The following VWF variants were observed in gnomAD, a reference collection of about 807,000 sequenced individuals.
The protein encoded by VWF is von Willebrand factor.
VWF carries 176 observed loss-of-function variants against 308.6 expected under a neutral mutation model. The ratio of observed to expected loss-of-function variants is 0.57; its 90% CI spans 0.50 to 0.65. The LOEUF is 0.65. Among genes scored for constraint, VWF ranks in the 30% least tolerant of loss-of-function variants. The probability of loss-of-function intolerance (pLI) is 0.00; values close to 1 mark genes in which losing one functional copy is unlikely to be tolerated. For missense variants in VWF, 3,146 were observed against 3,648.2 expected (o/e 0.86, Z 3.55); for synonymous variants, 1,385 against 1,443.4 (o/e 0.96, Z 0.92).
In VWF at chr12:5,967,412, C is replaced by T. The variant is rs185085412; in HGVS notation, c.7887+74G>A. On this transcript the variant is annotated intron_variant, in intron 47 of 51. Transcript: ENST00000261405. The stretch of plus-strand genomic sequence containing the variant: ...ATGAGAGATTTATTTATTTAAAGAC[C>T]GCAGTGAGGTCCCACTGCCTGGGTC... 4.0e-5 allele frequency: 45 copies of T among 1,111,790 alleles called. No homozygotes were observed. The African/African-American group carries it at 5.5e-4, about 14-fold the overall frequency. 68.9% of individuals were successfully genotyped at this position (1,111,790 alleles called of 1,614,324 possible). A position where few individuals can be genotyped will look rare whatever the true frequency, so the allele number is the denominator to read the frequency against.
Position 6,065,221 on chromosome 12 carries a change from G to A in VWF, c.1209C>T (p.Tyr403=), listed in dbSNP as rs1295605969. The change falls in exon 11 of 52, where the codon TAC becomes TAT. Residue 403 remains tyrosine (Y), a synonymous_variant. Coordinates refer to ENST00000261405, the MANE Select transcript of VWF (RefSeq NM_000552.5). ...QSHFKSFDNR[Y]FTFSGICQYL... ...ACTGGCAGATCCCACTGAAGGTGAA[G>A]TATCTGTTGTCAAAGCTCTTGAAGT... The A allele has an allele frequency of 1.9e-6, 3 of 1,614,184 alleles. No individual in the cohort carries two copies. Among genetic ancestry groups the A allele is most frequent in the South Asian group, 1.1e-5 (1 of 91,070 alleles).
At position 6,018,995 on chromosome 12, in the gene VWF, G is replaced by C. The variant is rs61750094; in HGVS notation, c.4423C>G (p.Gln1475Glu). The part of the protein sequence containing the change: ...PPPTLPPDMA[Q>E]VTVGPGLLGV... Reference sequence around the variant, plus strand: ...AAGAGCCCCGGGCCCACAGTGACTTGTGCCATGTCGGGGGGCAGAGTAGGA... The same window carrying C: ...AAGAGCCCCGGGCCCACAGTGACTTCTGCCATGTCGGGGGGCAGAGTAGGA... Residue 1475 changes from glutamine (Q) to glutamate (E), a missense_variant, in exon 28 of 52, where the codon CAA (glutamine) becomes GAA (glutamate). By Grantham distance (29) the Gln-to-Glu change is conservative (BLOSUM62 2). This residue lies in a region of VWF where 853 missense variants were observed against 1,177.8 expected (regional missense o/e 0.72). Transcript: ENST00000261405. 5 of 1,613,932 alleles carry C rather than the reference G, an allele frequency of 3.1e-6. No homozygotes were observed. In the South Asian group the frequency reaches 5.5e-5, roughly 18 times the overall value.
At chr12:6,087,587 G>T (rs1437717466) in intron 6 of VWF, among the ~76,000 whole-genome samples, 2 of 149,768 alleles carry the variant, frequency 1.3e-5, no homozygotes, top group African/African-American at 4.9e-5. Flanking sequence ...GGATGGTCTC[G>T]ACCTCCTGAC....
At chr12:5,958,985 G>A (rs1943281420) in intron 47 of VWF, among the ~76,000 whole-genome samples, 1 of 151,540 alleles carries the variant, frequency 6.6e-6, no homozygotes, top group Non-Finnish European at 1.5e-5. Context: ...GGAGGCTGAG[G>A]TGGGAGGATC....
At chr12:6,033,785 C>T (rs1191814784) in intron 20 of VWF, among the ~76,000 whole-genome samples, 11 of 152,228 alleles carry the variant, frequency 7.2e-5, no homozygotes, top group Admixed American at 3.9e-4. Flanking sequence ...CGCTGCCTGA[C>T]TCACCAGCTC....
chr12:6,103,926 T>G (rs542581012), intron 5 of VWF, among the ~76,000 whole-genome samples: 13 of 152,240 alleles, frequency 8.5e-5, no homozygotes, highest in Non-Finnish European at 1.8e-4. Context: ...TGAGACTTCA[T>G]TAAACTAAAA....
At chr12:5,972,344 T>C (rs1187616917) in intron 43 of VWF, among the ~76,000 whole-genome samples, 1 of 152,218 alleles carries the variant, frequency 6.6e-6, no homozygotes, top group Admixed American at 6.5e-5. Context: ...GGTCCTCCAA[T>C]CTGGCTAAAG....
chr12:5,966,756 T>C (rs1943409512), intron 47 of VWF, among the ~76,000 whole-genome samples: 1 of 152,208 alleles, frequency 6.6e-6, no homozygotes, highest in Non-Finnish European at 1.5e-5. Context: ...GAGACTCCTC[T>C]GACCAATGGC....
intron 42 of VWF, among the ~76,000 whole-genome samples, chr12:5,977,615 A>T (rs1943545644): frequency 6.6e-6 from 1 of 152,180 alleles, no homozygotes; most frequent in African/African-American, 2.4e-5. Context: ...GATGTCTGTA[A>T]TCTCAGCACT....
At position 6,093,551 on chromosome 12, in the gene VWF, C is replaced by T. The variant is rs930188987; in HGVS notation, c.657+1909G>A. Reference sequence around the variant, plus strand: ...GTAAACCTCCTGCATACAAACGTCCCGCCCAGGGAGGCTGACTCACAGCAC... The same window carrying T: ...GTAAACCTCCTGCATACAAACGTCCTGCCCAGGGAGGCTGACTCACAGCAC... On this transcript the variant is annotated intron_variant, in intron 6 of 51. Transcript: ENST00000261405. Among the ~76,000 whole-genome samples, 13 of 152,316 alleles carry T rather than the reference C, an allele frequency of 8.5e-5. No homozygotes were observed. The East Asian group carries it at 2.3e-3, about 27-fold the overall frequency.
At chr12:5,996,654 G>T (rs1016735277) in intron 34 of VWF, among the ~76,000 whole-genome samples, 5 of 150,654 alleles carry the variant, frequency 3.3e-5, no homozygotes, top group Non-Finnish European at 5.9e-5. Flanking sequence ...CTAAAGACAC[G>T]TGTCCTTTCA....
At chr12:6,025,316 A>G (rs1266521620) in intron 24 of VWF, among the ~76,000 whole-genome samples, 1 of 152,254 alleles carries the variant, frequency 6.6e-6, no homozygotes, top group Non-Finnish European at 1.5e-5. Context: ...ACTGGGGCTG[A>G]AAGAGAAGCA....
intron 26 of VWF, among the ~76,000 whole-genome samples, chr12:6,022,298 C>A (rs1260565018): frequency 2.0e-5 from 3 of 152,082 alleles, no homozygotes; most frequent in Non-Finnish European, 2.9e-5. Context: ...ATCTTATCTC[C>A]GGGGCTCTTT....
In VWF at chr12:6,020,023, T is replaced by C. The variant is rs138090017; in HGVS notation, c.3675-280A>G. Reference sequence around the variant, plus strand: ...CCTAGGATATGAAAAAATATACTCGTTGTTCTAGGCCATCCACACAACCAC... The same window carrying C: ...CCTAGGATATGAAAAAATATACTCGCTGTTCTAGGCCATCCACACAACCAC... On this transcript the variant is annotated intron_variant, in intron 27 of 51. Coordinates refer to ENST00000261405, the MANE Select transcript of VWF (RefSeq NM_000552.5). This position sits in a 1 kb window ranked among gnomAD's most constrained non-coding sequence, Gnocchi z 4.3. Among the ~76,000 whole-genome samples the C allele has an allele frequency of 5.9e-3, 895 of 152,330 alleles. 9 individuals are homozygous for C. Among genetic ancestry groups the C allele is most frequent in the Middle Eastern group, 0.031 (9 of 292 alleles).
intron 17 of VWF, 118 bp from the exon 18 acceptor site, chr12:6,044,569 C>T: frequency 7.5e-7 from 1 of 1,325,058 alleles, no homozygotes; most frequent in Non-Finnish European, 1.0e-6. Flanking sequence ...GAGTTGCCCA[C>T]TCACGGGGAC....
intron 40 of VWF, 29 bp downstream of exon 40, chr12:5,985,016 T>C: frequency 1.2e-6 from 2 of 1,612,714 alleles, no homozygotes; most frequent in Non-Finnish European, 1.7e-6. Context: ...GGTTGGGCCC[T>C]GGAGACATCC....
At chr12:5,972,169 T>A (rs1230993585) in intron 43 of VWF, among the ~76,000 whole-genome samples, 4 of 152,194 alleles carry the variant, frequency 2.6e-5, no homozygotes, top group Non-Finnish European at 5.9e-5. Flanking sequence ...CGTGCAGATT[T>A]GGGCTTCCCC....
chr12:6,109,230 G>A (rs1945276770), intron 5 of VWF, among the ~76,000 whole-genome samples: 1 of 151,080 alleles, frequency 6.6e-6, no homozygotes, highest in South Asian at 2.1e-4. Context: ...CACACACACA[G>A]AGACACACAG....
At chr12:6,065,421 C>A (rs781021975) in intron 10 of VWF, 148 bp from the exon 11 acceptor site, 4 of 1,069,632 alleles carry the variant, frequency 3.7e-6, no homozygotes, top group Non-Finnish European at 4.1e-6. Flanking sequence ...ACAAGTTCTA[C>A]GAGAAAATTC....
Sources: gnomAD v4.1 joint callset for allele counts (sites outside exome capture counted in the v4.1 genomes callset) on GRCh38, gnomAD v4.1.1 for gene constraint, gnomAD v4.1.1 regional missense constraint, Gnocchi (gnomAD v3.1) non-coding constraint, MANE v1.5 for transcripts, NCBI Gene and HGNC (gene_info 2026-07-23, HGNC 2026-07-21) for gene names.